Variants in SLC10A7 observed in about 807,000 individuals in gnomAD.
SLC10A7 encodes the protein solute carrier family 10 member 7, also known as sodium/bile acid cotransporter 7.
SLC10A7 carries 29 observed loss-of-function variants against 43.2 expected under a neutral mutation model. That is an observed-to-expected ratio of 0.67 (90% CI 0.50 to 0.92). SLC10A7 has a LOEUF of 0.92. Ranked by LOEUF, SLC10A7 falls within the 40% of genes least tolerant of loss-of-function variation. SLC10A7 has a pLI of 0.00. For missense variants in SLC10A7, 295 were observed against 403.2 expected, an observed-to-expected ratio of 0.73 and a Z score of 2.30; for synonymous variants, 152 against 144.8, an observed-to-expected ratio of 1.05 and a Z score of -0.35.
At chr4:146,264,825 C>G (rs1007123407) in intron 10 of SLC10A7, among the ~76,000 whole-genome samples, 6 of 152,110 alleles carry the variant, frequency 3.9e-5, no homozygotes, top group African/African-American at 1.4e-4. Flanking sequence ...CCTCATTTAC[C>G]AGTCCCTTTT....
chr4:146,486,413 T>C (rs1235779927), intron 4 of SLC10A7, among the ~76,000 whole-genome samples: 1 of 152,228 alleles, frequency 6.6e-6, no homozygotes, highest in Non-Finnish European at 1.5e-5. Flanking sequence ...GCAACACATA[T>C]TTATTGCCAG....
At chr4:146,395,984 AATGT>A (rs1278618120) in intron 5 of SLC10A7, among the ~76,000 whole-genome samples, 1 of 152,152 alleles carries the variant, frequency 6.6e-6, no homozygotes, top group African/African-American at 2.4e-5. Context: ...TCTTTCTTTA[AATGT>A]ATGTATCATG....
At chr4:146,467,085 C>T (rs1481631184) in intron 4 of SLC10A7, among the ~76,000 whole-genome samples, 7 of 152,112 alleles carry the variant, frequency 4.6e-5, no homozygotes, top group South Asian at 4.2e-4. Context: ...TGCTAAAAGC[C>T]GGAATTACTT....
chr4:146,380,055 G>A (rs1169381694), intron 5 of SLC10A7, among the ~76,000 whole-genome samples: 1 of 151,828 alleles, frequency 6.6e-6, no homozygotes, highest in Non-Finnish European at 1.5e-5. Flanking sequence ...AGCAGTCTGA[G>A]GAAAATCTAA....
At chr4:146,492,624 C>A (rs1160811918) in intron 4 of SLC10A7, among the ~76,000 whole-genome samples, 1 of 152,192 alleles carries the variant, frequency 6.6e-6, no homozygotes, top group Non-Finnish European at 1.5e-5. Flanking sequence ...CTGGCCTCGG[C>A]CTCCCAAAGT....
At chr4:146,455,946 C>T (rs1324256193) in intron 4 of SLC10A7, among the ~76,000 whole-genome samples, 1 of 151,676 alleles carries the variant, frequency 6.6e-6, no homozygotes, top group African/African-American at 2.4e-5. Context: ...AAGTAGCGTG[C>T]TAGTAGCCGT....
At chr4:146,496,520 A>G (rs1023767241) in intron 4 of SLC10A7, among the ~76,000 whole-genome samples, 6 of 152,080 alleles carry the variant, frequency 3.9e-5, no homozygotes, top group Non-Finnish European at 8.8e-5. Context: ...TCCCCTGAAG[A>G]CCCTCATGTG....
chr4:146,272,395 C>G (rs1293376857), intron 10 of SLC10A7, among the ~76,000 whole-genome samples: 1 of 152,094 alleles, frequency 6.6e-6, no homozygotes, highest in Non-Finnish European at 1.5e-5. Context: ...ACTGGGTACC[C>G]CATAGCTTGA....
chr4:146,383,341 A>T (rs897078217), intron 5 of SLC10A7, among the ~76,000 whole-genome samples: 2 of 152,128 alleles, frequency 1.3e-5, no homozygotes, highest in Non-Finnish European at 2.9e-5. Context: ...TCAAAGGGGG[A>T]AAACCGCGGC....
chr4:146,342,052 C>T (rs1734299953), intron 5 of SLC10A7, among the ~76,000 whole-genome samples: 1 of 151,764 alleles, frequency 6.6e-6, no homozygotes, highest in East Asian at 1.9e-4. Flanking sequence ...TTCCTCTACC[C>T]ACCTACTCAT....
intron 4 of SLC10A7, among the ~76,000 whole-genome samples, chr4:146,491,126 C>G (rs1432500856): frequency 6.6e-6 from 1 of 152,158 alleles, no homozygotes; most frequent in African/African-American, 2.4e-5. Context: ...GAGAGGAAAA[C>G]TGTATTTGAG....
At chr4:146,457,040 T>C (rs531728080) in intron 4 of SLC10A7, among the ~76,000 whole-genome samples, 1 of 152,118 alleles carries the variant, frequency 6.6e-6, no homozygotes, top group South Asian at 2.1e-4. Flanking sequence ...GACCATATGG[T>C]CATAAATTCT....
intron 4 of SLC10A7, among the ~76,000 whole-genome samples, chr4:146,503,483 T>G (rs1308506651): frequency 6.6e-6 from 1 of 152,234 alleles, no homozygotes; most frequent in Non-Finnish European, 1.5e-5. Context: ...CAATTTAGTT[T>G]GTTAACAAAT....
At chr4:146,501,655 T>C (rs962644477) in intron 4 of SLC10A7, among the ~76,000 whole-genome samples, 5 of 152,180 alleles carry the variant, frequency 3.3e-5, no homozygotes, top group African/African-American at 1.2e-4. Context: ...ATGGGACATG[T>C]ACCATGAACA....
At chr4:146,345,772 C>T (rs1560818675) in intron 5 of SLC10A7, among the ~76,000 whole-genome samples, 2 of 152,062 alleles carry the variant, frequency 1.3e-5, no homozygotes, top group African/African-American at 2.4e-5. Context: ...ATTTCCCATA[C>T]CTAGTGAAAT....
intron 10 of SLC10A7, among the ~76,000 whole-genome samples, chr4:146,267,909 T>C (rs1396770005): frequency 6.6e-6 from 1 of 152,142 alleles, no homozygotes; most frequent in African/African-American, 2.4e-5. Flanking sequence ...GCTAGAGCTC[T>C]GGCAGAAAAA....
At chr4:146,356,600 C>T (rs1356050677) in intron 5 of SLC10A7, among the ~76,000 whole-genome samples, 2 of 151,812 alleles carry the variant, frequency 1.3e-5, no homozygotes, top group Non-Finnish European at 2.9e-5. Context: ...CACTCCCCAT[C>T]TTCTCTCCTC....
intron 11 of SLC10A7, among the ~76,000 whole-genome samples, chr4:146,257,318 T>C (rs1454185649): frequency 6.6e-6 from 1 of 152,228 alleles, no homozygotes; most frequent in Non-Finnish European, 1.5e-5. Context: ...AAGAGGAATC[T>C]TTTTTATGTT....
chr4:146,395,530 C>G (rs946491377), intron 5 of SLC10A7, among the ~76,000 whole-genome samples: 5 of 152,176 alleles, frequency 3.3e-5, no homozygotes, highest in African/African-American at 1.2e-4. Context: ...ACCATTCCTT[C>G]CCCAGCACTT....
Sources: allele counts gnomAD v4.1 joint callset (sites outside exome capture counted in the v4.1 genomes callset), GRCh38; gene constraint gnomAD v4.1.1; transcripts MANE v1.5; gene names NCBI Gene and HGNC (gene_info 2026-07-23, HGNC 2026-07-21).